Variants in ZC3H18 observed in about 807,000 individuals in gnomAD.
The protein encoded by ZC3H18 is zinc finger CCCH domain-containing protein 18.
A neutral mutation model predicts 106.1 loss-of-function variants in ZC3H18; 8 were observed. The ratio of observed to expected loss-of-function variants is 0.08; its 90% CI spans 0.04 to 0.14. The LOEUF (loss-of-function observed/expected upper bound fraction) is 0.14. Ranked by LOEUF, ZC3H18 falls within the 10% of genes least tolerant of loss-of-function variation. The pLI is 1.00. For synonymous variants in ZC3H18, 635 were observed against 522.1 expected, an observed-to-expected ratio of 1.22 and a Z score of -2.95; for missense variants, 1,318 against 1,278.4, an observed-to-expected ratio of 1.03 and a Z score of -0.47.
chr16:88,599,961 C>A lies in ZC3H18; in HGVS notation c.1088+13C>A, dbSNP rs367627240. The stretch of plus-strand genomic sequence containing the variant: ...TCAGAGACACAGTGTAAGGAATGGC[C>A]CTGCCTGCCCCTCCGTTTCCTTCCT... On this transcript the variant is annotated intron_variant, in intron 6 of 17. Coordinates refer to ENST00000301011, the MANE Select transcript of ZC3H18 (RefSeq NM_144604.4). The A allele has an allele frequency of 2.7e-5, 43 of 1,612,582 alleles. No homozygotes were observed. In the African/African-American group the frequency reaches 5.2e-4, roughly 20 times the overall value.
Position 88,631,657 on chromosome 16 carries a change from G to C in ZC3H18, c.*358G>C. ...GCCCCAGCTCTGGGTCCCTAGCCCG[G>C]GTCCAGGCAGCCAGGCTCCCTCCTG... On this transcript the variant is annotated 3_prime_UTR_variant, in exon 18 of 18. Transcript: ENST00000301011. 1 of 471,638 alleles carries C rather than the reference G, an allele frequency of 2.1e-6. No homozygotes were observed. The highest frequency in any genetic ancestry group is 4.2e-6 in the Non-Finnish European group (1 of 237,668). 29.2% of individuals were successfully genotyped at this position (471,638 alleles called of 1,614,324 possible). A position where few individuals can be genotyped will look rare whatever the true frequency, so the allele number is the denominator to read the frequency against.
intron 7 of ZC3H18, 33 bp from the exon 8 acceptor site, chr16:88,611,235 C>G (rs777260522): frequency 1.4e-6 from 1 of 739,146 alleles, no homozygotes; most frequent in Non-Finnish European, 2.5e-6. Context: ...AAATAACGCA[C>G]GGTGTCCCCA....
Position 88,630,324 on chromosome 16 carries a change from TCTC to T in ZC3H18, c.2567-158_2567-156del, listed in dbSNP as rs1375013887. 26 of 590,292 alleles carry T rather than the reference TCTC, an allele frequency of 4.4e-5. No homozygotes were observed. In the East Asian group the frequency reaches 5.9e-4, roughly 13 times the overall value. 36.6% of individuals were successfully genotyped at this position (590,292 alleles called of 1,614,324 possible). A position where few individuals can be genotyped will look rare whatever the true frequency, so the allele number is the denominator to read the frequency against. Reference sequence around the variant, plus strand: ...GATGCCTTGGTGCCCACATCTCTCTTCTCCTACTTGGCTCTCCCCTTTTTATTT... The same window carrying T: ...GATGCCTTGGTGCCCACATCTCTCTTCTACTTGGCTCTCCCCTTTTTATTT... On this transcript the variant is annotated intron_variant, in intron 16 of 17. Transcript: ENST00000301011.
chr16:88,580,650 C>T (rs905013109), intron 2 of ZC3H18, among the ~76,000 whole-genome samples: 4 of 152,150 alleles, frequency 2.6e-5, no homozygotes, highest in Non-Finnish European at 5.9e-5. Context: ...CTCAGAGGCC[C>T]TGCTGCATTC....
intron 2 of ZC3H18, among the ~76,000 whole-genome samples, chr16:88,583,767 G>T (rs1043472763): frequency 1.3e-5 from 2 of 152,164 alleles, no homozygotes; most frequent in Non-Finnish European, 2.9e-5. Flanking sequence ...CGTCAACTTG[G>T]CCTGTCCCAG....
At chr16:88,602,031 C>T (rs538651446) in intron 6 of ZC3H18, among the ~76,000 whole-genome samples, 2 of 152,370 alleles carry the variant, frequency 1.3e-5, no homozygotes, top group South Asian at 2.1e-4. Context: ...GGAGCCAGTA[C>T]AGCTGGGCTG....
At chr16:88,612,861 G>T (rs1250494635) in intron 8 of ZC3H18, among the ~76,000 whole-genome samples, 1 of 151,874 alleles carries the variant, frequency 6.6e-6, no homozygotes, top group African/African-American at 2.4e-5. Context: ...ATATTAGCAG[G>T]GCGTGGTAGT....
chr16:88,590,052 TG>T (rs1457842110), intron 3 of ZC3H18, among the ~76,000 whole-genome samples: 1 of 152,176 alleles, frequency 6.6e-6, no homozygotes, highest in East Asian at 1.9e-4. Context: ...GGAAGCTGAA[TG>T]GGGAGGATCA....
intron 1 of ZC3H18, among the ~76,000 whole-genome samples, chr16:88,576,684 C>A (rs1914772090): frequency 6.6e-6 from 1 of 152,210 alleles, no homozygotes; most frequent in Non-Finnish European, 1.5e-5. Flanking sequence ...ATGGTGAGAT[C>A]TGGGCCTGCA....
At chr16:88,583,390 T>G (rs969952079) in intron 2 of ZC3H18, among the ~76,000 whole-genome samples, 2 of 152,238 alleles carry the variant, frequency 1.3e-5, no homozygotes, top group South Asian at 4.1e-4. Flanking sequence ...GCTCATGTTT[T>G]AAGCACGGTG....
chr16:88,596,429 C>G (rs1481176229), intron 3 of ZC3H18, among the ~76,000 whole-genome samples: 2 of 152,036 alleles, frequency 1.3e-5, no homozygotes, highest in Non-Finnish European at 2.9e-5. Context: ...ATCACAAGGT[C>G]AGGAGTTCGA....
chr16:88,573,313 G>A (rs1386773379), intron 1 of ZC3H18, among the ~76,000 whole-genome samples: 24 of 152,030 alleles, frequency 1.6e-4, no homozygotes, highest in Admixed American at 1.4e-3. Flanking sequence ...AAAAGTGTAC[G>A]AAGATAGTAT....
At chr16:88,578,441 C>G (rs568868891) in intron 2 of ZC3H18, among the ~76,000 whole-genome samples, 7 of 152,196 alleles carry the variant, frequency 4.6e-5, no homozygotes, top group African/African-American at 1.7e-4. Flanking sequence ...GGGAGAAACA[C>G]CCCAAAGTCC....
At chr16:88,591,170 C>G (rs1322933858) in intron 3 of ZC3H18, among the ~76,000 whole-genome samples, 5 of 151,914 alleles carry the variant, frequency 3.3e-5, no homozygotes, top group Admixed American at 6.6e-5. Context: ...CGGAGTTTCA[C>G]TGTGTTAGCC....
intron 8 of ZC3H18, among the ~76,000 whole-genome samples, chr16:88,619,823 G>A (rs959222904): frequency 3.2e-4 from 48 of 152,200 alleles, no homozygotes; most frequent in African/African-American, 1.2e-3. Context: ...GAAGGGCCGC[G>A]CTGTCCCTGT....
intron 2 of ZC3H18, among the ~76,000 whole-genome samples, chr16:88,581,887 C>T (rs139277026): frequency 6.6e-6 from 1 of 152,326 alleles, no homozygotes; most frequent in East Asian, 1.9e-4. Flanking sequence ...GAGGCCTGGC[C>T]TGGGTCTGTC....
intron 8 of ZC3H18, among the ~76,000 whole-genome samples, chr16:88,613,733 C>T (rs1905404905): frequency 6.6e-6 from 1 of 152,136 alleles, no homozygotes; most frequent in African/African-American, 2.4e-5. Flanking sequence ...ATACAAGTCC[C>T]TTATCAGGTT....
At chr16:88,599,649 C>T in intron 5 of ZC3H18, 142 bp from the exon 6 acceptor site, 2 of 1,001,970 alleles carry the variant, frequency 2.0e-6, no homozygotes, top group South Asian at 1.6e-5. Context: ...TGTGTCCGCC[C>T]CTCACCCCTT....
At chr16:88,590,808 C>G (rs927940048) in intron 3 of ZC3H18, among the ~76,000 whole-genome samples, 2 of 152,142 alleles carry the variant, frequency 1.3e-5, no homozygotes, top group Non-Finnish European at 2.9e-5. Flanking sequence ...GATCCGCTCA[C>G]CTCAGCCTCC....
Sources: allele counts gnomAD v4.1 joint callset (sites outside exome capture counted in the v4.1 genomes callset), GRCh38; gene constraint gnomAD v4.1.1; transcripts MANE v1.5; gene names NCBI Gene and HGNC (gene_info 2026-07-23, HGNC 2026-07-21).